The following NUBPL variants were observed in gnomAD, a reference collection of about 807,000 sequenced individuals.
The protein encoded by NUBPL is NUBP iron-sulfur cluster assembly factor, mitochondrial.
In NUBPL, 31 loss-of-function variants were observed where a neutral mutation model predicts 45.7. The observed-to-expected ratio is 0.68, with a 90% confidence interval of 0.51 to 0.92. NUBPL has a LOEUF of 0.92. Ranked by LOEUF, NUBPL falls within the 40% of genes least tolerant of loss-of-function variation. The pLI is 0.00. For synonymous variants in NUBPL, 144 were observed against 140.9 expected (o/e 1.02, Z -0.15); for missense variants, 401 against 398.7 (o/e 1.01, Z -0.05).
At chr14:31,634,551 G>A (rs1384586090) in intron 4 of NUBPL, among the ~76,000 whole-genome samples, 3 of 152,008 alleles carry the variant, frequency 2.0e-5, no homozygotes, top group Non-Finnish European at 4.4e-5. Flanking sequence ...ATAAACATAC[G>A]TGTTCATGTG....
At chr14:31,783,821 A>G (rs971150443) in intron 6 of NUBPL, among the ~76,000 whole-genome samples, 1 of 152,196 alleles carries the variant, frequency 6.6e-6, no homozygotes, top group Non-Finnish European at 1.5e-5. Context: ...CCTGGCCAAT[A>G]GCAGTTTTCT....
chr14:31,755,985 G>T (rs1157519207), intron 6 of NUBPL, among the ~76,000 whole-genome samples: 2 of 152,160 alleles, frequency 1.3e-5, no homozygotes, highest in Non-Finnish European at 2.9e-5. Context: ...TTTTTCTCAG[G>T]TTTGTCAAAG....
chr14:31,688,664 T>TTG (rs1479013463), intron 6 of NUBPL, among the ~76,000 whole-genome samples: 2 of 149,282 alleles, frequency 1.3e-5, no homozygotes, highest in African/African-American at 2.5e-5. Flanking sequence ...TGTTGTTTTT[T>TTG]TTTTTTTTTA....
intron 6 of NUBPL, among the ~76,000 whole-genome samples, chr14:31,751,741 C>A (rs12882060): frequency 0.29 from 44,822 of 152,140 alleles, 7,493 homozygotes; most frequent in South Asian, 0.41. Flanking sequence ...TAGGCAGTGT[C>A]CCAGCGGGGA....
At position 31,690,619 on chromosome 14, in the gene NUBPL, C is replaced by G. The variant is rs77214695; in HGVS notation, c.513+17045C>G. On this transcript the variant is annotated intron_variant, in intron 6 of 10. Coordinates refer to ENST00000281081, the MANE Select transcript of NUBPL (RefSeq NM_025152.3). ...TGGTAGAGAAAAAATCATGAAAAAG[C>G]TGTTAAAGCTATCAAGCCCAAAAGA... Among the ~76,000 whole-genome samples the G allele has an allele frequency of 2.2e-3, 337 of 152,214 alleles. 2 individuals are homozygous for G. The highest frequency in any genetic ancestry group is 7.2e-3 in the African/African-American group (298 of 41,540).
chr14:31,695,917 G>C (rs1043619814), intron 6 of NUBPL, among the ~76,000 whole-genome samples: 1 of 152,046 alleles, frequency 6.6e-6, no homozygotes, highest in African/African-American at 2.4e-5. Flanking sequence ...TTTATTTTTT[G>C]GTTTCTAGTA....
At chr14:31,803,332 G>T (rs941615937) in intron 7 of NUBPL, among the ~76,000 whole-genome samples, 1 of 151,876 alleles carries the variant, frequency 6.6e-6, no homozygotes, top group Non-Finnish European at 1.5e-5. Context: ...TTTCAAATTT[G>T]CTAGAGTAGT....
chr14:31,802,786 A>G (rs1369340276), intron 7 of NUBPL, among the ~76,000 whole-genome samples: 8 of 152,246 alleles, frequency 5.3e-5, no homozygotes, highest in African/African-American at 1.7e-4. Context: ...CTACCTGTCT[A>G]GGACCTTTCC....
chr14:31,804,114 C>T (rs756457263), intron 7 of NUBPL, among the ~76,000 whole-genome samples: 1 of 152,012 alleles, frequency 6.6e-6, no homozygotes, highest in Non-Finnish European at 1.5e-5. Context: ...TTTGGCTGAA[C>T]ATATATGAAA....
chr14:31,676,147 T>G (rs1044619757), intron 6 of NUBPL, among the ~76,000 whole-genome samples: 1 of 152,072 alleles, frequency 6.6e-6, no homozygotes, highest in Non-Finnish European at 1.5e-5. Flanking sequence ...CTCAGCCTTC[T>G]GAGTAGCTGG....
chr14:31,731,968 C>A (rs1016007468), intron 6 of NUBPL, among the ~76,000 whole-genome samples: 1 of 151,652 alleles, frequency 6.6e-6, no homozygotes. Context: ...TTTGAGAGGC[C>A]GAGGCGGGCG....
At chr14:31,799,162 C>T (rs1370711683) in intron 7 of NUBPL, among the ~76,000 whole-genome samples, 1 of 152,012 alleles carries the variant, frequency 6.6e-6, no homozygotes, top group Non-Finnish European at 1.5e-5. Context: ...GCAGACCTGT[C>T]CATACAGAAA....
chr14:31,756,757 G>C (rs1228743629), intron 6 of NUBPL, among the ~76,000 whole-genome samples: 3 of 152,020 alleles, frequency 2.0e-5, no homozygotes, highest in Non-Finnish European at 4.4e-5. Context: ...AGTGGTGAGA[G>C]AGGGCATCCC....
At chr14:31,695,440 A>C (rs1408476796) in intron 6 of NUBPL, among the ~76,000 whole-genome samples, 1 of 149,116 alleles carries the variant, frequency 6.7e-6, no homozygotes, top group Admixed American at 6.8e-5. Context: ...CCAGTTTCCC[A>C]CTCACTATGG....
chr14:31,765,922 G>A (rs762048564), intron 6 of NUBPL, among the ~76,000 whole-genome samples: 4 of 152,072 alleles, frequency 2.6e-5, no homozygotes, highest in Non-Finnish European at 5.9e-5. Flanking sequence ...ACAGAAATAA[G>A]GATCTTACAG....
chr14:31,800,493 A>T (rs1274677103), intron 7 of NUBPL, among the ~76,000 whole-genome samples: 1 of 152,222 alleles, frequency 6.6e-6, no homozygotes, highest in Non-Finnish European at 1.5e-5. Context: ...AGAATTACCA[A>T]AATGTGACAC....
intron 4 of NUBPL, among the ~76,000 whole-genome samples, chr14:31,610,608 C>CAAAAAGAAAAAAAAAA (rs2034728006): frequency 1.1e-5 from 1 of 94,708 alleles, no homozygotes; most frequent in Non-Finnish European, 2.0e-5. Context: ...AAAGATACAT[C>CAAAAAGAAAAAAAAAA]AAAAAAAAAA....
At chr14:31,627,765 CAAA>C (rs34778685) in intron 4 of NUBPL, among the ~76,000 whole-genome samples, 2 of 109,368 alleles carry the variant, frequency 1.8e-5, no homozygotes, top group Middle Eastern at 4.8e-3. Context: ...GACTCTGTCT[CAAA>C]AAAAAAAAAA....
intron 6 of NUBPL, among the ~76,000 whole-genome samples, chr14:31,707,345 TGGC>T (rs1396122486): frequency 2.6e-5 from 4 of 152,260 alleles, no homozygotes; most frequent in African/African-American, 9.6e-5. Context: ...AAATTTACCC[TGGC>T]TTTTAAAGGA....
Sources: allele counts gnomAD v4.1 joint callset (sites outside exome capture counted in the v4.1 genomes callset), GRCh38; gene constraint gnomAD v4.1.1; transcripts MANE v1.5; gene names NCBI Gene and HGNC (gene_info 2026-07-23, HGNC 2026-07-21).